Variants in HTR1F observed in about 807,000 individuals in gnomAD.
HTR1F encodes the protein 5-hydroxytryptamine receptor 1F.
HTR1F carries 17 observed loss-of-function variants against 24.0 expected under a neutral mutation model. The ratio of observed to expected loss-of-function variants is 0.71; its 90% CI spans 0.48 to 1.06. HTR1F has a LOEUF of 1.06. HTR1F is among the 50% of genes least tolerant of loss of function. The probability of loss-of-function intolerance (pLI) is 0.00; values close to 1 mark genes in which losing one functional copy is unlikely to be tolerated. For missense variants in HTR1F, 391 were observed against 427.8 expected, an observed-to-expected ratio of 0.91 and a Z score of 0.76; for synonymous variants, 186 against 156.8, an observed-to-expected ratio of 1.19 and a Z score of -1.39.
At position 87,938,162 on chromosome 3, in the gene HTR1F, C is replaced by T. The variant is rs557876084; in HGVS notation, c.-42-52546C>T. ...ACACCAACAACAGGCAAGCAGAGAG[C>T]CAAATCAGGAACACAGTCCCGTTCA... On this transcript the variant is annotated intron_variant, in intron 2 of 2. Coordinates refer to ENST00000319595, the MANE Select transcript of HTR1F (RefSeq NM_001322209.2). Among the ~76,000 whole-genome samples the T allele has an allele frequency of 4.6e-5, 7 of 152,006 alleles. No homozygotes were observed. The South Asian group carries it at 1.5e-3, about 32-fold the overall frequency.
chr3:87,829,668 T>C (rs1704535291), intron 2 of HTR1F, among the ~76,000 whole-genome samples: 1 of 152,254 alleles, frequency 6.6e-6, no homozygotes, highest in African/African-American at 2.4e-5. Context: ...CTATTCTTTT[T>C]TGGTTCAAGT....
At chr3:87,794,331 A>C (rs1703868343) in intron 1 of HTR1F, among the ~76,000 whole-genome samples, 1 of 152,038 alleles carries the variant, frequency 6.6e-6, no homozygotes, top group Non-Finnish European at 1.5e-5. Context: ...AGAGTCGTTC[A>C]TGCTTCCCCC....
intron 2 of HTR1F, among the ~76,000 whole-genome samples, chr3:87,844,353 T>G (rs1704886133): frequency 6.4e-5 from 9 of 141,468 alleles, no homozygotes; most frequent in African/African-American, 2.6e-4. Context: ...TTCATGTCCT[T>G]TGCCCACTTT....
At chr3:87,968,067 A>C (rs1444510830) in intron 2 of HTR1F, among the ~76,000 whole-genome samples, 2 of 152,236 alleles carry the variant, frequency 1.3e-5, no homozygotes, top group African/African-American at 4.8e-5. Context: ...AAGTAGTCTC[A>C]GATGGAGATG....
At chr3:87,816,824 T>C (rs1253436618) in intron 1 of HTR1F, among the ~76,000 whole-genome samples, 1 of 152,092 alleles carries the variant, frequency 6.6e-6, no homozygotes, top group East Asian at 1.9e-4. Flanking sequence ...GAAAGTTCAA[T>C]GAACTAATAA....
At chr3:87,975,029 T>C (rs1266721164) in intron 2 of HTR1F, among the ~76,000 whole-genome samples, 4 of 152,148 alleles carry the variant, frequency 2.6e-5, no homozygotes, top group Non-Finnish European at 5.9e-5. Context: ...CTCTATAATA[T>C]TTTATAATTT....
chr3:87,816,424 G>T (rs1462450207), intron 1 of HTR1F, among the ~76,000 whole-genome samples: 1 of 151,992 alleles, frequency 6.6e-6, no homozygotes, highest in Non-Finnish European at 1.5e-5. Flanking sequence ...AAAGCAAATG[G>T]GTAAAAGAGT....
At chr3:87,875,186 C>A (rs368656418) in intron 2 of HTR1F, among the ~76,000 whole-genome samples, 2 of 152,166 alleles carry the variant, frequency 1.3e-5, no homozygotes, top group Non-Finnish European at 2.9e-5. Flanking sequence ...TGTGATGGCT[C>A]AGGCCTGTAG....
chr3:87,908,639 T>C (rs1703715661), intron 2 of HTR1F, among the ~76,000 whole-genome samples: 1 of 152,052 alleles, frequency 6.6e-6, no homozygotes, highest in Non-Finnish European at 1.5e-5. Flanking sequence ...TTTCCTCTTT[T>C]TAAATCTGGC....
intron 2 of HTR1F, among the ~76,000 whole-genome samples, chr3:87,922,836 A>G (rs533459482): frequency 1.4e-5 from 2 of 146,002 alleles, no homozygotes; most frequent in Admixed American, 7.0e-5. Context: ...AAATCTGTGG[A>G]TTTATTTCTG....
chr3:87,965,298 C>T (rs191787013), intron 2 of HTR1F, among the ~76,000 whole-genome samples: 37 of 152,266 alleles, frequency 2.4e-4, no homozygotes, highest in Middle Eastern at 3.4e-3. Context: ...TGGTGACATA[C>T]ATTTCTAAGC....
chr3:87,967,917 C>A (rs946771953), intron 2 of HTR1F, among the ~76,000 whole-genome samples: 2 of 152,204 alleles, frequency 1.3e-5, no homozygotes, highest in Non-Finnish European at 2.9e-5. Flanking sequence ...AACTTTGGAA[C>A]TGGGCAACAG....
intron 2 of HTR1F, among the ~76,000 whole-genome samples, chr3:87,865,396 G>A (rs1705405696): frequency 6.6e-6 from 1 of 151,820 alleles, no homozygotes; most frequent in Admixed American, 6.6e-5. Context: ...ACAGACCATA[G>A]TAGCCAGCAA....
intron 1 of HTR1F, among the ~76,000 whole-genome samples, chr3:87,811,549 T>C (rs1704160972): frequency 6.6e-6 from 1 of 152,184 alleles, no homozygotes; most frequent in Non-Finnish European, 1.5e-5. Flanking sequence ...GTTAAAATTA[T>C]GGAAAGATGT....
chr3:87,821,026 C>T lies in HTR1F; in HGVS notation c.-159-982C>T, dbSNP rs6773436. Among the ~76,000 whole-genome samples the T allele has an allele frequency of 3.9e-3, 588 of 152,140 alleles. 6 individuals are homozygous for T. Among genetic ancestry groups the T allele is most frequent in the African/African-American group, 0.014 (565 of 41,514 alleles). On this transcript the variant is annotated intron_variant, in intron 1 of 2. Coordinates refer to ENST00000319595, the MANE Select transcript of HTR1F (RefSeq NM_001322209.2). ...TTTGGACAACAAATAATAGAATTGC[C>T]AATGAATAAACCAACCCTTTGGTAA... is the stretch of plus-strand genomic sequence containing the variant.
intron 1 of HTR1F, among the ~76,000 whole-genome samples, chr3:87,802,302 T>C (rs559545657): frequency 2.4e-4 from 29 of 119,558 alleles, no homozygotes; most frequent in Middle Eastern, 8.1e-3. Context: ...CTCCCTCCCT[T>C]CCTTCCTTCC....
chr3:87,991,676 T>G lies in HTR1F; in HGVS notation c.927T>G (p.Phe309Leu). 6.2e-7 allele frequency: 1 copy of G among 1,613,442 alleles called. No individual in the cohort carries two copies. The part of the protein sequence containing the change: ...LGAFVICWLP[F>L]FVKELVVNVC... Reference sequence around the variant, plus strand: ...CATTTGTAATATGTTGGCTTCCTTTTTTTGTAAAAGAATTAGTTGTTAATG... The same window carrying G: ...CATTTGTAATATGTTGGCTTCCTTTGTTTGTAAAAGAATTAGTTGTTAATG... The change falls in exon 3 of 3, where the codon TTT becomes TTG. Residue 309 changes from phenylalanine to leucine, a missense_variant. Transcript: ENST00000319595.
intron 2 of HTR1F, among the ~76,000 whole-genome samples, chr3:87,836,573 T>C (rs532127198): frequency 6.6e-6 from 1 of 152,300 alleles, no homozygotes; most frequent in East Asian, 1.9e-4. Flanking sequence ...TTTCATTAGT[T>C]TGCAATTTAT....
At chr3:87,809,360 A>C (rs1224757899) in intron 1 of HTR1F, among the ~76,000 whole-genome samples, 2 of 151,978 alleles carry the variant, frequency 1.3e-5, no homozygotes, top group Non-Finnish European at 2.9e-5. Flanking sequence ...CTCCTTCTTC[A>C]ACTCAAAAAA....
Sources: gnomAD v4.1 joint callset for allele counts (sites outside exome capture counted in the v4.1 genomes callset) on GRCh38, gnomAD v4.1.1 for gene constraint, MANE v1.5 for transcripts, NCBI Gene and HGNC (gene_info 2026-07-23, HGNC 2026-07-21) for gene names.